Variants in PLCZ1 observed in about 807,000 individuals in gnomAD.
PLCZ1 encodes the protein 1-phosphatidylinositol 4,5-bisphosphate phosphodiesterase zeta-1.
PLCZ1 carries 64 observed loss-of-function variants against 76.8 expected under a neutral mutation model. That is an observed-to-expected ratio of 0.83 (90% CI 0.68 to 1.03). The LOEUF (loss-of-function observed/expected upper bound fraction) is 1.03. PLCZ1 is among the 50% of genes least tolerant of loss of function. The probability of loss-of-function intolerance (pLI) is 0.00; values close to 1 mark genes in which losing one functional copy is unlikely to be tolerated. For missense variants in PLCZ1, 751 were observed against 713.7 expected (o/e 1.05, Z -0.60); for synonymous variants, 248 against 230.8 (o/e 1.07, Z -0.68).
intron 10 of PLCZ1, 82 bp from the exon 11 acceptor site, chr12:18,696,348 A>ATATATATATC (rs10523511): frequency 3.7e-5 from 8 of 214,288 alleles, no homozygotes; most frequent in Admixed American, 1.4e-4. Context: ...ATATATATAT[A>ATATATATATC]TATCATATAA....
chr12:18,687,956 C>A (rs1953413887), intron 13 of PLCZ1, 133 bp downstream of exon 13: 2 of 1,192,770 alleles, frequency 1.7e-6, no homozygotes, highest in Non-Finnish European at 2.3e-6. Context: ...TAACATTTTG[C>A]TAATTTTGGA....
intron 12 of PLCZ1, among the ~76,000 whole-genome samples, chr12:18,691,224 T>G (rs1954028238): frequency 6.6e-6 from 1 of 152,120 alleles, no homozygotes; most frequent in Non-Finnish European, 1.5e-5. Context: ...AATTTTCTAG[T>G]CCGAGCAGAG....
chr12:18,649,390 C>A, the PLCZ1 span, among the ~76,000 whole-genome samples: 1 of 152,088 alleles, frequency 6.6e-6, no homozygotes, highest in Non-Finnish European at 1.5e-5. Context: ...CTCCTCTGAC[C>A]TACTCCAAAA....
chr12:18,651,592 A>G, the PLCZ1 span, among the ~76,000 whole-genome samples: 3 of 152,104 alleles, frequency 2.0e-5, no homozygotes, highest in African/African-American at 7.2e-5. Context: ...TGCCTTCTCT[A>G]GTTGTGACTC....
At chr12:18,721,265 C>G (rs778776295) in intron 4 of PLCZ1, among the ~76,000 whole-genome samples, 5 of 151,928 alleles carry the variant, frequency 3.3e-5, no homozygotes, top group Non-Finnish European at 5.9e-5. Flanking sequence ...TTTTAAAAAC[C>G]TCATTTGGTG....
At chr12:18,650,663 A>AT in the PLCZ1 span, among the ~76,000 whole-genome samples, 2 of 50,786 alleles carry the variant, frequency 3.9e-5, no homozygotes, top group African/African-American at 5.6e-5. Context: ...CTGGAATATA[A>AT]ATGTGTGTGT....
rs143048254 is a variant in PLCZ1 at position 18,699,570 on chromosome 12, T to A, written c.1174+224A>T. Among the ~76,000 whole-genome samples the A allele has an allele frequency of 8.6e-3, 1,308 of 152,208 alleles. 21 individuals are homozygous for A. The highest frequency in any genetic ancestry group is 0.03 in the African/African-American group (1,251 of 41,534). On this transcript the variant is annotated intron_variant, in intron 10 of 14. Coordinates refer to ENST00000266505, the MANE Select transcript of PLCZ1 (RefSeq NM_033123.4). ...TCAACAAATGTGGCCACATCGGACATTCTCAATCAAAATGTCATGGCTTAG... is the reference window on the plus strand; with the variant it reads ...TCAACAAATGTGGCCACATCGGACAATCTCAATCAAAATGTCATGGCTTAG...
At chr12:18,690,473 C>T (rs1953905904) in intron 12 of PLCZ1, among the ~76,000 whole-genome samples, 1 of 152,128 alleles carries the variant, frequency 6.6e-6, no homozygotes, top group Non-Finnish European at 1.5e-5. Flanking sequence ...AATCTGCCCA[C>T]CTCAGCCTCC....
At position 18,723,375 on chromosome 12, in the gene PLCZ1, A is replaced by G. The variant is rs1235698996; in HGVS notation, c.303T>C (p.Tyr101=). ...NLAQFLTQEQ[Y]AAEMSKAIAF... ...CAATAGCTTTACTCATCTCAGCTGCATATTGTTCTTGTGTCAGAAATTGAG... is the reference window on the plus strand; with the variant it reads ...CAATAGCTTTACTCATCTCAGCTGCGTATTGTTCTTGTGTCAGAAATTGAG... The change falls in exon 4 of 15, where the codon TAT becomes TAC. Residue 101 remains tyrosine, a synonymous_variant. Coordinates refer to ENST00000266505, the MANE Select transcript of PLCZ1 (RefSeq NM_033123.4). The G allele has an allele frequency of 2.5e-6, 4 of 1,612,896 alleles. No individual in the cohort carries two copies. The highest frequency in any genetic ancestry group is 2.2e-5 in the East Asian group (1 of 44,796).
chr12:18,673,179 G>C, the PLCZ1 span, among the ~76,000 whole-genome samples: 2 of 152,080 alleles, frequency 1.3e-5, no homozygotes, highest in Admixed American at 1.3e-4. Context: ...TGGTTAAATT[G>C]ATTCACATAC....
intron 3 of PLCZ1, among the ~76,000 whole-genome samples, chr12:18,731,533 CTTTTTTTTTTT>C (rs34568267): frequency 3.3e-3 from 312 of 94,362 alleles, no homozygotes; most frequent in African/African-American, 0.012. Flanking sequence ...AATAAGCTGT[CTTTTTTTTTTT>C]TTTTTTTTTT....
At chr12:18,712,025 TATGTA>T (rs1221900088) in intron 6 of PLCZ1, among the ~76,000 whole-genome samples, 3 of 152,190 alleles carry the variant, frequency 2.0e-5, no homozygotes, top group Admixed American at 6.5e-5. Flanking sequence ...GTTGACAGAT[TATGTA>T]ATGTATTGAC....
the PLCZ1 span, among the ~76,000 whole-genome samples, chr12:18,653,846 C>T: frequency 2.6e-5 from 4 of 152,150 alleles, no homozygotes; most frequent in South Asian, 2.1e-4. Context: ...AGAAAATGCC[C>T]TCTTCCTAGG....
rs1311113029 is a variant in PLCZ1 at position 18,705,203 on chromosome 12, A to G, written c.827T>C (p.Met276Thr). ...ATFGESLLSD[M>T]LDDFPDTLPS... Reference sequence around the variant, plus strand: ...TAGAGTATCAGGAAAATCATCAAGCATATCAGAAAGCAAGGACTCTCCAAA... The same window carrying G: ...TAGAGTATCAGGAAAATCATCAAGCGTATCAGAAAGCAAGGACTCTCCAAA... Residue 276 changes from methionine to threonine, a missense_variant, in exon 7 of 15, where the codon ATG (methionine) becomes ACG (threonine). Transcript: ENST00000266505. The G allele has an allele frequency of 1.9e-6, 3 of 1,614,094 alleles. No homozygotes were observed. The highest frequency in any genetic ancestry group is 1.6e-4 in the Middle Eastern group (1 of 6,062).
chr12:18,732,041 C>T (rs1959076075), intron 3 of PLCZ1, among the ~76,000 whole-genome samples: 1 of 152,150 alleles, frequency 6.6e-6, no homozygotes, highest in African/African-American at 2.4e-5. Context: ...GAAAGCTACA[C>T]ATATTTAATG....
chr12:18,692,779 G>A lies in PLCZ1; in HGVS notation c.1461+2131C>T, dbSNP rs375062834. 70 of 1,389,980 alleles carry A rather than the reference G, an allele frequency of 5.0e-5. No individual in the cohort carries two copies. The East Asian group carries it at 5.5e-4, about 11-fold the overall frequency. The allele number at this position is 1,389,980 out of a possible 1,614,324, so 86.1% of individuals were successfully genotyped here. On this transcript the variant is annotated intron_variant, in intron 12 of 14. Coordinates refer to ENST00000266505, the MANE Select transcript of PLCZ1 (RefSeq NM_033123.4). Reference sequence around the variant, plus strand: ...CAAGGCAAGATGGGTCAAAGTCAGAGTGGTGGTCATGGTCCTGGAGGTGGC... The same window carrying A: ...CAAGGCAAGATGGGTCAAAGTCAGAATGGTGGTCATGGTCCTGGAGGTGGC...
chr12:18,694,023 A>G (rs1308662691), intron 12 of PLCZ1: 6 of 1,467,732 alleles, frequency 4.1e-6, no homozygotes, highest in Non-Finnish European at 5.7e-6. Flanking sequence ...AAAGTAACAA[A>G]TGAAGACTTC....
chr12:18,682,090 G>T (rs369548538), downstream of PLCZ1, among the ~76,000 whole-genome samples: 4 of 151,998 alleles, frequency 2.6e-5, no homozygotes, highest in African/African-American at 9.7e-5. Flanking sequence ...GGAAGGGTGT[G>T]CACTGATCTT....
At chr12:18,705,863 C>A (rs570321543) in intron 6 of PLCZ1, among the ~76,000 whole-genome samples, 4 of 151,472 alleles carry the variant, frequency 2.6e-5, no homozygotes, top group Admixed American at 2.6e-4. Context: ...AAGACTCCAT[C>A]TCAAAAATAA....
Sources: gnomAD v4.1 joint callset for allele counts (sites outside exome capture counted in the v4.1 genomes callset) on GRCh38, gnomAD v4.1.1 for gene constraint, MANE v1.5 for transcripts, NCBI Gene and HGNC (gene_info 2026-07-23, HGNC 2026-07-21) for gene names.